The following CDKN3 variants were observed in gnomAD, a reference collection of about 807,000 sequenced individuals.
CDKN3 encodes cyclin dependent kinase inhibitor 3, also known as cyclin-dependent kinase inhibitor 3.
CDKN3 carries 19 observed loss-of-function variants against 36.1 expected under a neutral mutation model. The observed-to-expected ratio is 0.53, with a 90% CI of 0.37 to 0.77. The LOEUF is 0.77. CDKN3 is among the 30% of genes least tolerant of loss of function. The probability of loss-of-function intolerance (pLI) is 0.00; values close to 1 mark genes in which losing one functional copy is unlikely to be tolerated. For synonymous variants in CDKN3, 71 were observed against 85.3 expected, an observed-to-expected ratio of 0.83 and a Z score of 0.92; for missense variants, 188 against 248.6, an observed-to-expected ratio of 0.76 and a Z score of 1.64.
intron 6 of CDKN3, among the ~76,000 whole-genome samples, chr14:54,416,849 A>G (rs1384868548): frequency 6.6e-6 from 1 of 152,156 alleles, no homozygotes; most frequent in African/African-American, 2.4e-5. Flanking sequence ...AACAAACAAC[A>G]TAACTGAAAA....
intron 4 of CDKN3, among the ~76,000 whole-genome samples, chr14:54,410,960 ACTG>A (rs2030328449): frequency 1.3e-5 from 2 of 152,030 alleles, no homozygotes; most frequent in African/African-American, 4.8e-5. Context: ...GGGCAGATCA[ACTG>A]AGGTCGGGAG....
intron 5 of CDKN3, chr14:54,412,832 T>C (rs1472184527): frequency 2.0e-6 from 1 of 511,148 alleles, no homozygotes; most frequent in Non-Finnish European, 3.9e-6. Context: ...TAATCCTTTC[T>C]CGAATAAGGT....
chr14:54,417,617 A>C (rs2030592866), intron 6 of CDKN3, among the ~76,000 whole-genome samples: 1 of 152,220 alleles, frequency 6.6e-6, no homozygotes, highest in South Asian at 2.1e-4. Context: ...ATGGATGAAC[A>C]CTTTAAATGG....
chr14:54,419,870 C>T, intron 7 of CDKN3, 122 bp from the exon 8 acceptor site: 1 of 569,388 alleles, frequency 1.8e-6, no homozygotes, highest in Admixed American at 3.2e-5. Context: ...CTTCCTTACC[C>T]AAAAAGATGT....
intron 5 of CDKN3, among the ~76,000 whole-genome samples, chr14:54,414,852 C>A (rs10145791): frequency 0.12 from 18,930 of 151,904 alleles, 3,420 homozygotes; most frequent in African/African-American, 0.4. Flanking sequence ...CCCAGCCTCT[C>A]CCTTTATATG....
chr14:54,397,204 G>A, intron 1 of CDKN3, 127 bp downstream of exon 1: 1 of 1,131,794 alleles, frequency 8.8e-7, no homozygotes, highest in Non-Finnish European at 1.2e-6. Context: ...TAACCGTTCT[G>A]CGGGTCGGGG....
intron 3 of CDKN3, among the ~76,000 whole-genome samples, chr14:54,403,235 G>C (rs373868289): frequency 6.6e-6 from 1 of 152,098 alleles, no homozygotes; most frequent in Admixed American, 6.5e-5. Flanking sequence ...TTGAGCAGTG[G>C]TTTGTAGTTC....
intron 4 of CDKN3, among the ~76,000 whole-genome samples, chr14:54,409,729 A>G (rs929360586): frequency 2.0e-5 from 3 of 151,976 alleles, no homozygotes; most frequent in Non-Finnish European, 4.4e-5. Flanking sequence ...GCAACTTGGG[A>G]GGCTGAGATG....
At chr14:54,414,103 T>G in intron 5 of CDKN3, 1 of 162,978 alleles carries the variant, frequency 6.1e-6, no homozygotes, top group Non-Finnish European at 1.3e-5. Context: ...CATGGTGTTG[T>G]CCTTGTGTAA....
chr14:54,402,221 G>T (rs1188279321), intron 3 of CDKN3, among the ~76,000 whole-genome samples: 1 of 143,884 alleles, frequency 7.0e-6, no homozygotes, highest in African/African-American at 2.6e-5. Context: ...AAAAAAAAAA[G>T]AATAATAGTC....
chr14:54,397,911 A>G (rs1886362055), intron 1 of CDKN3, among the ~76,000 whole-genome samples: 1 of 152,222 alleles, frequency 6.6e-6, no homozygotes, highest in South Asian at 2.1e-4. Flanking sequence ...CGGGCGGATC[A>G]CTTGAGGCCA....
intron 6 of CDKN3, among the ~76,000 whole-genome samples, chr14:54,416,701 G>A (rs1188531319): frequency 1.3e-5 from 2 of 152,142 alleles, no homozygotes; most frequent in Admixed American, 1.3e-4. Flanking sequence ...TGTAGTCCCA[G>A]CTCCTTGTGG....
intron 5 of CDKN3, chr14:54,413,915 T>G: frequency 9.9e-7 from 1 of 1,008,104 alleles, no homozygotes. Flanking sequence ...TTCTAGAGGA[T>G]GTAAGTCCAA....
At chr14:54,407,973 T>C (rs1213860039) in intron 3 of CDKN3, among the ~76,000 whole-genome samples, 2 of 152,244 alleles carry the variant, frequency 1.3e-5, no homozygotes, top group African/African-American at 4.8e-5. Flanking sequence ...TATTCAGCCA[T>C]CTTGCCCGGG....
chr14:54,411,549 T>C lies in CDKN3; in HGVS notation c.259T>C (p.Tyr87His), dbSNP rs769353843. 6.2e-7 allele frequency: 1 copy of C among 1,614,104 alleles called. No homozygotes were observed. Among genetic ancestry groups the C allele is most frequent in the Non-Finnish European group, 8.5e-7 (1 of 1,180,020 alleles). ...CTGCACCAGAGGGGAACTGTCAAAA[T>C]ATAGAGTCCCAAACCTTCTGGATCT... ...VFCTRGELSK[Y>H]RVPNLLDLYQ... is the part of the protein sequence containing the mutation. Residue 87 changes from tyrosine to histidine, a missense_variant, in exon 5 of 8, where the codon TAT becomes CAT. Tyr to His is a moderately conservative substitution (Grantham distance 83). Coordinates refer to ENST00000335183, the MANE Select transcript of CDKN3 (RefSeq NM_005192.4).
At position 54,417,881 on chromosome 14, in the gene CDKN3, C is replaced by T. The variant is rs376726450; in HGVS notation, c.482C>T (p.Thr161Ile). The T allele has an allele frequency of 1.1e-5, 17 of 1,597,770 alleles. No individual in the cohort carries two copies. The highest frequency in any genetic ancestry group is 1.5e-5 in the Non-Finnish European group (17 of 1,171,500). The change falls in exon 7 of 8, where the codon ACA becomes ATA. Residue 161 changes from threonine (T) to isoleucine (I), a missense_variant. Coordinates refer to ENST00000335183, the MANE Select transcript of CDKN3 (RefSeq NM_005192.4). ...TGTCTCCTACTATACCTGTCTGACACAATATCACCAGAGCAAGCCATAGAC... is the reference window on the plus strand; with the variant it reads ...TGTCTCCTACTATACCTGTCTGACATAATATCACCAGAGCAAGCCATAGAC... ...AACLLLYLSD[T>I]ISPEQAIDSL... is the part of the protein sequence containing the mutation.
chr14:54,419,726 GAGAA>G (rs2030665601), intron 7 of CDKN3, among the ~76,000 whole-genome samples: 3 of 152,302 alleles, frequency 2.0e-5, no homozygotes, highest in East Asian at 3.9e-4. Flanking sequence ...TAAGTAAAGA[GAGAA>G]AGAATTTTAG....
intron 2 of CDKN3, among the ~76,000 whole-genome samples, chr14:54,400,455 A>G (rs1255731392): frequency 1.3e-5 from 2 of 152,220 alleles, no homozygotes; most frequent in African/African-American, 4.8e-5. Context: ...ACAGTAATGC[A>G]TCTATCAACA....
At chr14:54,417,103 T>C (rs1009087239) in intron 6 of CDKN3, among the ~76,000 whole-genome samples, 1 of 152,166 alleles carries the variant, frequency 6.6e-6, no homozygotes, top group African/African-American at 2.4e-5. Flanking sequence ...TGCAGCGGCT[T>C]TGGAAAATAG....
Sources: allele counts gnomAD v4.1 joint callset (sites outside exome capture counted in the v4.1 genomes callset), GRCh38; gene constraint gnomAD v4.1.1; transcripts MANE v1.5; gene names NCBI Gene and HGNC (gene_info 2026-07-23, HGNC 2026-07-21).